The following WDR81 variants were observed in gnomAD, a reference collection of about 807,000 sequenced individuals.
WDR81 encodes the protein WD repeat domain 81.
Under a neutral mutation model 140.8 loss-of-function variants are expected in WDR81, and 92 were observed. The observed-to-expected ratio is 0.65, with a 90% CI of 0.55 to 0.78. WDR81 has a LOEUF of 0.78. Among genes scored for constraint, WDR81 ranks in the 30% least tolerant of loss-of-function variants. The pLI is 0.00. For missense variants in WDR81, 2,502 were observed against 2,636.4 expected (o/e 0.95, Z 1.12); for synonymous variants, 1,183 against 1,156.4 (o/e 1.02, Z -0.47).
rs757750147 is a variant in WDR81, at chr17:1,737,394, C to T, written c.5535C>T (p.Ser1845=). The change falls in exon 10 of 10, where the codon TCC becomes TCT. Residue 1845 remains serine (S), a synonymous_variant. Transcript: ENST00000409644. The stretch of plus-strand genomic sequence containing the variant: ...TGGAGGGCAGCGTCCTGGTCAGCTC[C>T]TCCTCTGACCATTCCTTGACCGTCT... The part of the protein sequence containing the change: ...KAVEGSVLVS[S]SSDHSLTVWK... 5.0e-6 allele frequency: 8 copies of T among 1,612,304 alleles called. No individual in the cohort carries two copies. The highest frequency in any genetic ancestry group is 6.8e-6 in the Non-Finnish European group (8 of 1,179,674).
In WDR81 at chr17:1,730,414, C is replaced by T. The variant is rs766877166; in HGVS notation, c.3702C>T (p.Ala1234=). The T allele has an allele frequency of 6.2e-7, 1 of 1,613,030 alleles. No homozygotes were observed. The highest frequency in any genetic ancestry group is 8.5e-7 in the Non-Finnish European group (1 of 1,179,914). The change falls in exon 2 of 10, where the codon GCC becomes GCT. Residue 1234 remains alanine, a synonymous_variant. Transcript: ENST00000409644. ...TACKMVRWLS[A]KLGPTVASRH... is the part of the protein sequence containing the mutation. ...GCAAGATGGTCCGCTGGCTGTCTGCCAAGCTCGGCCCCACAGTGGCCTCTC... is the reference window on the plus strand; with the variant it reads ...GCAAGATGGTCCGCTGGCTGTCTGCTAAGCTCGGCCCCACAGTGGCCTCTC...
intron 1 of WDR81, among the ~76,000 whole-genome samples, chr17:1,729,778 T>C (rs1597293762): frequency 1.3e-5 from 2 of 151,752 alleles, no homozygotes; most frequent in African/African-American, 4.8e-5. Context: ...CTGGCCAATA[T>C]GGTGAAACCC....
Position 1,716,993 on chromosome 17 carries a change from C to G in WDR81, c.-124+360C>G, listed in dbSNP as rs956043678. The G allele has an allele frequency of 5.5e-5, 21 of 382,148 alleles. No homozygotes were observed. The Admixed American group carries it at 8.6e-4, about 16-fold the overall frequency. 23.7% of individuals were successfully genotyped at this position (382,148 alleles called of 1,614,324 possible). A position where few individuals can be genotyped will look rare whatever the true frequency, so the allele number is the denominator to read the frequency against. ...TCCCAGAAGAGCCCCCAGAGCCTCC[C>G]AAGAGGTAGCTTTCTAACAAAAGAT... is the stretch of plus-strand genomic sequence containing the variant. On this transcript the variant is annotated intron_variant, in intron 1 of 10. Transcript: ENST00000309182.
intron 2 of WDR81, 112 bp downstream of exon 2, chr17:1,730,599 G>A (rs532746644): frequency 2.5e-5 from 34 of 1,359,846 alleles, no homozygotes; most frequent in South Asian, 2.1e-4. Context: ...ACCACCCCCC[G>A]GCCAGGTGCT....
intron 9 of WDR81, 60 bp downstream of exon 9, chr17:1,736,278 C>A: frequency 6.5e-7 from 1 of 1,548,340 alleles, no homozygotes; most frequent in Non-Finnish European, 8.7e-7. Flanking sequence ...CAGCCATCAC[C>A]CCTGCTTAGG....
Position 1,734,087 on chromosome 17 carries a change from A to ACCAGCGAGACGGCC in WDR81, c.5054_5067dup (p.Arg1690AlafsTer29). ...GCCGCTGTACAACTACGGCGACGGG[A>ACCAGCGAGACGGCC]CCAGCGAGACGGCCCCACGCCTCGT... On this transcript the variant is annotated frameshift_variant, in exon 7 of 10. Coordinates refer to ENST00000409644, the MANE Select transcript of WDR81 (RefSeq NM_001163809.2). LOFTEE classifies it high-confidence loss of function. The ACCAGCGAGACGGCC allele has an allele frequency of 6.3e-7, 1 of 1,579,500 alleles. No homozygotes were observed. The highest frequency in any genetic ancestry group is 1.1e-5 in the South Asian group (1 of 88,342).
chr17:1,718,022 C>A (rs566958384), intron 1 of WDR81, among the ~76,000 whole-genome samples: 1 of 152,262 alleles, frequency 6.6e-6, no homozygotes, highest in Non-Finnish European at 1.5e-5. Context: ...CAGCCGCCCC[C>A]TACTTCCTAC....
rs1915468529 is a variant in WDR81 at position 1,728,608 on chromosome 17, G to A, written c.3649G>A (p.Glu1217Lys). 1 of 1,472,368 alleles carries A rather than the reference G, an allele frequency of 6.8e-7. No homozygotes were observed. Among genetic ancestry groups the A allele is most frequent in the Non-Finnish European group, 9.0e-7 (1 of 1,105,666 alleles). 91.2% of individuals were successfully genotyped at this position (1,472,368 alleles called of 1,614,324 possible). Residue 1217 changes from glutamate to lysine, a missense_variant, in exon 1 of 10, where the codon GAA becomes AAA. Coordinates refer to ENST00000409644, the MANE Select transcript of WDR81 (RefSeq NM_001163809.2). ...ACTGCCTGAGCAGTCAGAAGGCAAA[G>A]AACAGAAGATCCTCCTTGGTAAGTT... Reference protein sequence around the residue: ...EALPEQSEGKEQKILLDTACK... With the variant: ...EALPEQSEGKKQKILLDTACK...
In WDR81 at chr17:1,733,784, G is replaced by A. The variant is rs1407806324; in HGVS notation, c.4747G>A (p.Gly1583Ser). Residue 1583 changes from glycine (G) to serine (S), a missense_variant, in exon 7 of 10, where the codon GGC becomes AGC. Coordinates refer to ENST00000409644, the MANE Select transcript of WDR81 (RefSeq NM_001163809.2). ...TCGGCCTGAGAACCCCGGACCACTG[G>A]GCCCCATCTCGGGGGTGGGTGGCGG... ...DSRPENPGPL[G>S]PISGVGGGGL... 1.9e-6 allele frequency: 3 copies of A among 1,612,304 alleles called. No homozygotes were observed. The highest frequency in any genetic ancestry group is 1.7e-5 in the Admixed American group (1 of 59,972).
chr17:1,733,821 G>T lies in WDR81; in HGVS notation c.4784G>T (p.Ser1595Ile). 2 of 1,612,372 alleles carry T rather than the reference G, an allele frequency of 1.2e-6. No individual in the cohort carries two copies. The highest frequency in any genetic ancestry group is 1.7e-6 in the Non-Finnish European group (2 of 1,179,696). Residue 1595 changes from serine (S) to isoleucine (I), a missense_variant, in exon 7 of 10, where the codon AGC (serine) becomes ATC (isoleucine). Physicochemically the swap from Ser to Ile is moderately radical, Grantham distance 142. This residue lies in a region of WDR81 where 1,737 missense variants were observed against 1,843.0 expected (regional missense o/e 0.94). Coordinates refer to ENST00000409644, the MANE Select transcript of WDR81 (RefSeq NM_001163809.2). ...ISGVGGGGLG[S>I]GSDDNALKQE... ...GGGGTGGGTGGCGGGGGCCTGGGCA[G>T]CGGGAGCGACGACAACGCCCTGAAG...
In WDR81 at chr17:1,727,405, G is replaced by A; in HGVS notation, c.2446G>A (p.Val816Met). The A allele has an allele frequency of 1.3e-6, 2 of 1,550,334 alleles. No homozygotes were observed. The highest frequency in any genetic ancestry group is 1.7e-4 in the Middle Eastern group (1 of 5,992). Residue 816 changes from valine to methionine, a missense_variant, in exon 1 of 10, where the codon GTG becomes ATG. By Grantham distance (21) the Val-to-Met change is conservative. This residue lies in a region of WDR81 where 1,737 missense variants were observed against 1,843.0 expected (regional missense o/e 0.94). Coordinates refer to ENST00000409644, the MANE Select transcript of WDR81 (RefSeq NM_001163809.2). ...CACGCGCCACCCCAAGGAGGTCCCT[G>A]TGTCTTTGCAGCCCGTGCTGGACAC... is the stretch of plus-strand genomic sequence containing the variant. The part of the protein sequence containing the change: ...LCTRHPKEVP[V>M]SLQPVLDTLL...
rs538403150 is a variant in WDR81 at position 1,726,138 on chromosome 17, T to C, written c.1179T>C (p.His393=). The C allele has an allele frequency of 1.7e-4, 262 of 1,532,820 alleles. 4 individuals are homozygous for C. In the East Asian group the frequency reaches 6.4e-3, roughly 37 times the overall value. The allele number at this position is 1,532,820 out of a possible 1,614,324, so 95.0% of individuals were successfully genotyped here. Residue 393 remains histidine (H), a synonymous_variant, in exon 1 of 10, where the codon CAT becomes CAC. Transcript: ENST00000409644. ...GGGTGGTGGACTTCACTACGCCCCA[T>C]GGGCGCTTCCGAGACCTGCGCAAGT... ...LPWVVDFTTP[H]GRFRDLRKSK...
rs114510541 is a variant in WDR81 at position 1,726,693 on chromosome 17, C to A, written c.1734C>A (p.Tyr578Ter). The A allele has an allele frequency of 1.9e-6, 3 of 1,549,650 alleles. No homozygotes were observed. The highest frequency in any genetic ancestry group is 2.0e-5 in the Admixed American group (1 of 51,002). Residue 578 changes from tyrosine (Y) to a stop codon, truncating the protein, a stop_gained, in exon 1 of 10, where the codon TAC (tyrosine) becomes TAA (stop). Transcript: ENST00000409644. LOFTEE classifies it high-confidence loss of function. ...ACGCCCACACTCACCTGGCCAGCTACGGGGTGGTGCAGCTCTTCGATCAGC... is the reference window on the plus strand; with the variant it reads ...ACGCCCACACTCACCTGGCCAGCTAAGGGGTGGTGCAGCTCTTCGATCAGC... ...LVDAHTHLASYGVVQLFDQPH... is the reference protein window; with the variant it reads ...LVDAHTHLAS
At chr17:1,720,345 A>G (rs1914797831), upstream of WDR81, among the ~76,000 whole-genome samples, 3 of 152,226 alleles carry the variant, frequency 2.0e-5, 1 homozygote, top group African/African-American at 7.2e-5. Flanking sequence ...GGGGGCAGTG[A>G]GAGGGAAATT....
exon 1 of WDR81, chr17:1,716,553 C>A (rs1321036472): frequency 1.3e-6 from 2 of 1,550,878 alleles, no homozygotes; most frequent in African/African-American, 2.7e-5. Context: ...AGGCGAAAGC[C>A]ACGGCGTCTG....
chr17:1,727,248 G>A lies in WDR81; in HGVS notation c.2289G>A (p.Leu763=). 1 of 1,550,338 alleles carries A rather than the reference G, an allele frequency of 6.5e-7. No homozygotes were observed. The highest frequency in any genetic ancestry group is 8.7e-7 in the Non-Finnish European group (1 of 1,146,974). Residue 763 remains leucine (L), a synonymous_variant, in exon 1 of 10, where the codon CTG becomes CTA. Coordinates refer to ENST00000409644, the MANE Select transcript of WDR81 (RefSeq NM_001163809.2). ...EQPRVQPAVP[L]QCLLHRDMQA... Reference sequence around the variant, plus strand: ...CCCGGGTCCAGCCGGCTGTGCCACTGCAGTGCCTACTCCACAGGGACATGC... The same window carrying A: ...CCCGGGTCCAGCCGGCTGTGCCACTACAGTGCCTACTCCACAGGGACATGC...
chr17:1,725,127 C>G lies in WDR81; in HGVS notation c.168C>G (p.Ala56=), dbSNP rs751041968. 1 of 1,529,260 alleles carries G rather than the reference C, an allele frequency of 6.5e-7. No individual in the cohort carries two copies. Among genetic ancestry groups the G allele is most frequent in the South Asian group, 1.2e-5 (1 of 83,082 alleles). The allele number at this position is 1,529,260 out of a possible 1,614,324, so 94.7% of individuals were successfully genotyped here. Residue 56 remains alanine, a synonymous_variant, in exon 1 of 10, where the codon GCC becomes GCG. Coordinates refer to ENST00000409644, the MANE Select transcript of WDR81 (RefSeq NM_001163809.2). ...APAPGGTHVV[A]LVPARWLASL... ...CCCCGGGGGGCACCCACGTGGTGGC[C>G]CTAGTGCCTGCGCGCTGGCTGGCCA...
chr17:1,730,259 C>G, intron 1 of WDR81, 121 bp from the exon 2 acceptor site: 1 of 750,952 alleles, frequency 1.3e-6, no homozygotes, highest in South Asian at 1.9e-5. Flanking sequence ...ACAGCCGGCC[C>G]GGGCTGGGCT....
rs369776768 is a variant in WDR81 at position 1,732,804 on chromosome 17, A to G, written c.4462A>G (p.Ile1488Val). The stretch of plus-strand genomic sequence containing the variant: ...GTTCACCCTGGAGATGGCATACACA[A>G]TCTACGTGCCCTTCTCCTGCCTGTT... Reference protein sequence around the residue: ...KVFTLEMAYTIYVPFSCLLGD... With the variant: ...KVFTLEMAYTVYVPFSCLLGD... The change falls in exon 6 of 10, where the codon ATC (isoleucine) becomes GTC (valine). Residue 1488 changes from isoleucine to valine, a missense_variant. Physicochemically the swap from Ile to Val is conservative, Grantham distance 29 (BLOSUM62 3). Around this residue, in one of 3 missense-constraint regions of WDR81, gnomAD observed 1,737 missense variants for 1,843.0 expected, o/e 0.94. Transcript: ENST00000409644. 2 of 1,612,110 alleles carry G rather than the reference A, an allele frequency of 1.2e-6. No homozygotes were observed. Among genetic ancestry groups the G allele is most frequent in the Non-Finnish European group, 8.5e-7 (1 of 1,179,444 alleles).
Sources: allele counts gnomAD v4.1 joint callset (sites outside exome capture counted in the v4.1 genomes callset), GRCh38; gene constraint gnomAD v4.1.1; regional missense constraint gnomAD v4.1.1; transcripts MANE v1.5; gene names NCBI Gene and HGNC (gene_info 2026-07-23, HGNC 2026-07-21).